The following ATP6V1B1 variants were observed in gnomAD, a reference collection of about 807,000 sequenced individuals.
ATP6V1B1 encodes the protein ATPase H+ transporting V1 subunit B1, also known as V-type proton ATPase subunit B, kidney isoform.
In ATP6V1B1, 41 loss-of-function variants were observed where a neutral mutation model predicts 62.1. The observed-to-expected ratio is 0.66, with a 90% CI of 0.51 to 0.86. The LOEUF (loss-of-function observed/expected upper bound fraction) is 0.86, where lower values mean the gene tolerates loss of function less well. Among genes scored for constraint, ATP6V1B1 ranks in the 40% least tolerant of loss-of-function variants. The probability of loss-of-function intolerance (pLI) is 0.00; values close to 1 mark genes in which losing one functional copy is unlikely to be tolerated. For synonymous variants in ATP6V1B1, 253 were observed against 273.4 expected, an observed-to-expected ratio of 0.93 and a Z score of 0.74; for missense variants, 651 against 697.5, an observed-to-expected ratio of 0.93 and a Z score of 0.75.
rs11886712 is a variant in ATP6V1B1, at chr2:70,959,243, A to G, written c.445+148A>G. 2,413 of 836,162 alleles carry G rather than the reference A, an allele frequency of 2.9e-3. 53 individuals carry two copies. In the African/African-American group the frequency reaches 0.036, roughly 13 times the overall value. 51.8% of individuals were successfully genotyped at this position (836,162 alleles called of 1,614,324 possible). ...ATCCCCAAATCTTCCACTGAACCCC[A>G]ACACTGCCGTCAGCACTCCATGTCC... is the stretch of plus-strand genomic sequence containing the variant. On this transcript the variant is annotated intron_variant, in intron 5 of 13. Coordinates refer to ENST00000234396, the MANE Select transcript of ATP6V1B1 (RefSeq NM_001692.4). This position sits in a 1 kb window ranked among gnomAD's most constrained non-coding sequence, Gnocchi z 4.2.
In ATP6V1B1 at chr2:70,959,144, T is replaced by C; in HGVS notation, c.445+49T>C. ...GGCTTCGGGACCCAGCCCTAACACCTTCCCCACTCTTGGAAGTTCTGCCCA... is the reference window on the plus strand; with the variant it reads ...GGCTTCGGGACCCAGCCCTAACACCCTCCCCACTCTTGGAAGTTCTGCCCA... On this transcript the variant is annotated intron_variant, in intron 5 of 13. Transcript: ENST00000234396. The surrounding 1 kb of genome is among the most constrained non-coding windows in gnomAD (Gnocchi z 4.2). The C allele has an allele frequency of 1.3e-6, 2 of 1,580,686 alleles. No individual in the cohort carries two copies. The highest frequency in any genetic ancestry group is 1.7e-6 in the Non-Finnish European group (2 of 1,150,494).
chr2:70,942,329 T>A, intron 1 of ATP6V1B1: 2 of 398,766 alleles, frequency 5.0e-6, no homozygotes, highest in Admixed American at 4.4e-5. Context: ...CTTCTCTGGC[T>A]GTCCTCAAGG....
At position 70,959,693 on chromosome 2, in the gene ATP6V1B1, C is replaced by G. The variant is rs570247001; in HGVS notation, c.446-246C>G. ...AAGGGCAGCTCTGTCCAAGGTAGCA[C>G]TGGGCCTGTGGCTATTTAAATTTAA... On this transcript the variant is annotated intron_variant, in intron 5 of 13. Coordinates refer to ENST00000234396, the MANE Select transcript of ATP6V1B1 (RefSeq NM_001692.4). The surrounding 1 kb of genome is among the most constrained non-coding windows in gnomAD (Gnocchi z 4.2). 6.6e-6 allele frequency among the ~76,000 whole-genome samples: 1 copy of G among 152,382 alleles called. No homozygotes were observed. Among genetic ancestry groups the G allele is most frequent in the East Asian group, 1.9e-4 (1 of 5,184 alleles).
chr2:70,964,936 C>T (rs555324462), intron 13 of ATP6V1B1, 22 bp from the exon 14 acceptor site: 2 of 1,614,036 alleles, frequency 1.2e-6, no homozygotes, highest in Admixed American at 1.7e-5. Context: ...ATTCCTAACA[C>T]TCCCTCCCGC....
intron 1 of ATP6V1B1, among the ~76,000 whole-genome samples, chr2:70,936,531 G>T (rs782766079): frequency 2.0e-5 from 3 of 151,982 alleles, no homozygotes; most frequent in Non-Finnish European, 4.4e-5. Flanking sequence ...TGAGGAAATA[G>T]GTGCCCCGTG....
chr2:70,945,411 C>A (rs551163683), intron 2 of ATP6V1B1, among the ~76,000 whole-genome samples: 1 of 152,000 alleles, frequency 6.6e-6, no homozygotes, highest in Non-Finnish European at 1.5e-5. Context: ...ATCACAGAAG[C>A]CCTGAGTTCT....
chr2:70,958,540 C>A, intron 4 of ATP6V1B1, 114 bp downstream of exon 4: 2 of 1,028,300 alleles, frequency 1.9e-6, no homozygotes, highest in South Asian at 1.5e-5. Context: ...TCCTGCCTGT[C>A]TCTCTGGTGG....
intron 2 of ATP6V1B1, among the ~76,000 whole-genome samples, chr2:70,952,015 TTATAA>T (rs1319368531): frequency 1.3e-5 from 2 of 152,228 alleles, no homozygotes; most frequent in Non-Finnish European, 2.9e-5. Flanking sequence ...TAGGTAACAA[TTATAA>T]TATAGGCATC....
Position 70,963,027 on chromosome 2 carries a change from G to C in ATP6V1B1, c.909+127G>C. ...GCCTGCCCCACTCCCATGAGTTCCA[G>C]GGCTTGGTCTCAGCCTGGCCATTCC... is the stretch of plus-strand genomic sequence containing the variant. On this transcript the variant is annotated intron_variant, in intron 9 of 13. Transcript: ENST00000234396. This position sits in a 1 kb window ranked among gnomAD's most constrained non-coding sequence, Gnocchi z 4.3. The C allele has an allele frequency of 1.9e-6, 3 of 1,598,902 alleles. No individual in the cohort carries two copies. Among genetic ancestry groups the C allele is most frequent in the African/African-American group, 1.3e-5 (1 of 74,752 alleles).
intron 2 of ATP6V1B1, among the ~76,000 whole-genome samples, chr2:70,945,701 G>GATATATATATATAT (rs35710919): frequency 3.9e-4 from 32 of 82,996 alleles, no homozygotes; most frequent in Admixed American, 4.8e-4. Flanking sequence ...TATTTGAAGA[G>GATATATATATATAT]ATATATATAT....
intron 8 of ATP6V1B1, 125 bp downstream of exon 8, chr2:70,961,818 C>A (rs1488944922): frequency 9.5e-6 from 9 of 948,494 alleles, no homozygotes; most frequent in African/African-American, 4.9e-5. Context: ...GGGAGAACAA[C>A]CCTCATTGTG....
intron 2 of ATP6V1B1, among the ~76,000 whole-genome samples, chr2:70,956,953 G>A (rs1342691907): frequency 2.6e-5 from 4 of 151,900 alleles, no homozygotes; most frequent in African/African-American, 7.3e-5. Flanking sequence ...TTTGATTTTC[G>A]TTTCCCTAAT....
intron 2 of ATP6V1B1, among the ~76,000 whole-genome samples, chr2:70,944,614 C>A (rs1294764451): frequency 6.6e-6 from 1 of 152,088 alleles, no homozygotes; most frequent in Admixed American, 6.5e-5. Flanking sequence ...CAGACCTGAC[C>A]CTTGCATCAA....
chr2:70,940,947 T>C, intron 1 of ATP6V1B1: 1 of 924,422 alleles, frequency 1.1e-6, no homozygotes, highest in Non-Finnish European at 1.3e-6. Context: ...AGGATCTTAC[T>C]CTGTCACCCA....
intron 2 of ATP6V1B1, among the ~76,000 whole-genome samples, chr2:70,952,208 TC>T (rs1680337146): frequency 6.6e-6 from 1 of 152,120 alleles, no homozygotes; most frequent in Non-Finnish European, 1.5e-5. Flanking sequence ...ACGCCTGTAA[TC>T]CCAGCACTTT....
At chr2:70,954,218 A>G (rs1680381727) in intron 2 of ATP6V1B1, among the ~76,000 whole-genome samples, 1 of 151,944 alleles carries the variant, frequency 6.6e-6, no homozygotes, top group Non-Finnish European at 1.5e-5. Context: ...CTTCTTCAAC[A>G]TTTTTCTTAT....
chr2:70,942,063 A>C, intron 1 of ATP6V1B1: 1 of 1,141,076 alleles, frequency 8.8e-7, no homozygotes, highest in Non-Finnish European at 1.1e-6. Flanking sequence ...GCTTCATGGG[A>C]AGACAAGAGA....
chr2:70,961,967 C>G, intron 8 of ATP6V1B1: 1 of 485,946 alleles, frequency 2.1e-6, no homozygotes, highest in Non-Finnish European at 3.7e-6. Context: ...CAGGGCTCCT[C>G]ATCTCTGTGT....
rs782717725 is a variant in ATP6V1B1 at position 70,962,850 on chromosome 2, G to A, written c.859G>A (p.Val287Met). 1 of 1,614,216 alleles carries A rather than the reference G, an allele frequency of 6.2e-7. No homozygotes were observed. Among genetic ancestry groups the A allele is most frequent in the Non-Finnish European group, 8.5e-7 (1 of 1,180,026 alleles). Residue 287 changes from valine (V) to methionine (M), a missense_variant, in exon 9 of 14, where the codon GTG (valine) becomes ATG (methionine). Val to Met is a conservative substitution (Grantham distance 21). Transcript: ENST00000234396. The stretch of plus-strand genomic sequence containing the variant: ...CCTTGCCTACCAGTGTGAGAAGCAT[G>A]TGCTGGTCATACTGACGGACATGAG... The part of the protein sequence containing the change: ...EFLAYQCEKH[V>M]LVILTDMSSY...
Sources: allele counts gnomAD v4.1 joint callset (sites outside exome capture counted in the v4.1 genomes callset), GRCh38; gene constraint gnomAD v4.1.1; non-coding constraint Gnocchi (gnomAD v3.1); transcripts MANE v1.5; gene names NCBI Gene and HGNC (gene_info 2026-07-23, HGNC 2026-07-21).